CCSER1: variants seen among roughly 807,000 people sequenced by gnomAD.
CCSER1 encodes the protein coiled-coil serine rich protein 1.
A neutral mutation model predicts 82.0 loss-of-function variants in CCSER1; 41 were observed. That is an observed-to-expected ratio of 0.50 (90% CI 0.39 to 0.65). The LOEUF (loss-of-function observed/expected upper bound fraction) is 0.65. Among genes scored for constraint, CCSER1 ranks in the 30% least tolerant of loss-of-function variants. CCSER1 has a pLI of 0.00. For synonymous variants in CCSER1, 414 were observed against 383.9 expected (o/e 1.08, Z -0.92); for missense variants, 1,119 against 1,064.2 (o/e 1.05, Z -0.72).
intron 7 of CCSER1, among the ~76,000 whole-genome samples, chr4:90,750,592 T>G (rs1293968655): frequency 1.3e-5 from 2 of 152,190 alleles, no homozygotes; most frequent in South Asian, 2.1e-4. Context: ...GCTCAAATTT[T>G]ACAGTGAACT....
chr4:91,404,168 T>A (rs1176234002), intron 10 of CCSER1, among the ~76,000 whole-genome samples: 7 of 152,226 alleles, frequency 4.6e-5, no homozygotes, highest in Non-Finnish European at 8.8e-5. Flanking sequence ...TTCTAGATTT[T>A]CTAGTTTCTT....
intron 9 of CCSER1, among the ~76,000 whole-genome samples, chr4:90,978,525 T>C (rs1205369534): frequency 6.6e-6 from 1 of 150,874 alleles, no homozygotes; most frequent in Non-Finnish European, 1.5e-5. Flanking sequence ...GTATTTATGT[T>C]ACAATAATCT....
intron 9 of CCSER1, among the ~76,000 whole-genome samples, chr4:91,003,805 T>C (rs1282055289): frequency 1.3e-5 from 2 of 152,184 alleles, no homozygotes; most frequent in African/African-American, 2.4e-5. Context: ...CTGTGGCCTT[T>C]TCCCAGTGCC....
chr4:90,589,471 G>A (rs964083365), intron 5 of CCSER1, among the ~76,000 whole-genome samples: 2 of 151,838 alleles, frequency 1.3e-5, no homozygotes, highest in African/African-American at 2.4e-5. Context: ...GGATTTTTAT[G>A]ATTTACAAAA....
chr4:90,328,477 T>C (rs1457109741), intron 3 of CCSER1, among the ~76,000 whole-genome samples: 1 of 152,202 alleles, frequency 6.6e-6, no homozygotes, highest in African/African-American at 2.4e-5. Context: ...AATTCTGTCA[T>C]TTAAAGTAGG....
At chr4:90,784,401 C>G (rs1360230156) in intron 7 of CCSER1, among the ~76,000 whole-genome samples, 2 of 152,150 alleles carry the variant, frequency 1.3e-5, no homozygotes, top group Non-Finnish European at 2.9e-5. Context: ...GTAATCATTC[C>G]TTTATTCAAC....
intron 5 of CCSER1, among the ~76,000 whole-genome samples, chr4:90,491,548 A>G (rs571092569): frequency 2.6e-5 from 4 of 152,130 alleles, no homozygotes; most frequent in Non-Finnish European, 5.9e-5. Context: ...AACTTCCAAC[A>G]CTATGTTGAA....
chr4:90,586,447 A>G (rs566456921), intron 5 of CCSER1, among the ~76,000 whole-genome samples: 5 of 152,356 alleles, frequency 3.3e-5, no homozygotes, highest in African/African-American at 1.2e-4. Flanking sequence ...ATATAAATGA[A>G]CCAAGTCAGT....
At chr4:90,394,415 T>C (rs553151227) in intron 3 of CCSER1, among the ~76,000 whole-genome samples, 6 of 152,204 alleles carry the variant, frequency 3.9e-5, no homozygotes, top group Non-Finnish European at 7.3e-5. Context: ...GGAGATTACA[T>C]GAGTAGTCAG....
chr4:91,376,675 G>A (rs1249336512), intron 10 of CCSER1, among the ~76,000 whole-genome samples: 5 of 152,022 alleles, frequency 3.3e-5, no homozygotes, highest in Middle Eastern at 3.4e-3. Context: ...TTCCATTAAT[G>A]GGCAAACATA....
At chr4:90,472,981 G>A (rs569019400) in intron 5 of CCSER1, among the ~76,000 whole-genome samples, 6 of 152,142 alleles carry the variant, frequency 3.9e-5, no homozygotes, top group African/African-American at 1.4e-4. Flanking sequence ...GTAATAATTG[G>A]GAGCTAAATA....
In CCSER1 at chr4:90,832,163, G is replaced by A. The variant is rs538523170; in HGVS notation, c.2094+16318G>A. 2.0e-5 allele frequency among the ~76,000 whole-genome samples: 3 copies of A among 151,874 alleles called. No homozygotes were observed. In the South Asian group the frequency reaches 6.2e-4, roughly 32 times the overall value. ...TTTTATCATTTGTCTATTAAAACAA[G>A]CATATATTAAATGGATTGCCTTCTT... On this transcript the variant is annotated intron_variant, in intron 8 of 10. Coordinates refer to ENST00000509176, the MANE Select transcript of CCSER1 (RefSeq NM_001145065.2).
chr4:91,072,021 A>G (rs1309012247), intron 9 of CCSER1, among the ~76,000 whole-genome samples: 1 of 152,150 alleles, frequency 6.6e-6, no homozygotes, highest in Non-Finnish European at 1.5e-5. Flanking sequence ...ACACCATCAC[A>G]AACAACCACT....
chr4:90,367,043 C>T (rs779921115), intron 3 of CCSER1, among the ~76,000 whole-genome samples: 1 of 151,736 alleles, frequency 6.6e-6, no homozygotes, highest in Non-Finnish European at 1.5e-5. Context: ...TTTACATGCG[C>T]TCATTGGAAT....
chr4:91,017,137 T>C (rs952463892), intron 9 of CCSER1: 7 of 152,318 alleles, frequency 4.6e-5, no homozygotes, highest in Admixed American at 4.6e-4. Flanking sequence ...ACTTTCTATG[T>C]CATGGTCTTT....
intron 8 of CCSER1, among the ~76,000 whole-genome samples, chr4:90,902,975 A>G (rs1724887551): frequency 6.6e-6 from 1 of 152,036 alleles, no homozygotes; most frequent in South Asian, 2.1e-4. Flanking sequence ...CACAGGGCAC[A>G]TGTTCATTTA....
chr4:91,528,792 T>G (rs1760890415), intron 10 of CCSER1, among the ~76,000 whole-genome samples: 1 of 152,152 alleles, frequency 6.6e-6, no homozygotes. Context: ...GATTTAGAAG[T>G]TTCCCATAAA....
At chr4:91,202,812 C>CTCATATATATGTGTGCATATATATG (rs1553911607) in intron 10 of CCSER1, among the ~76,000 whole-genome samples, 15 of 151,062 alleles carry the variant, frequency 9.9e-5, no homozygotes, top group African/African-American at 1.9e-4. Context: ...GATATACACA[C>CTCATATATATGTGTGCATATATATG]TGTCTTTTTA....
intron 8 of CCSER1, among the ~76,000 whole-genome samples, chr4:90,840,214 T>C (rs1345779127): frequency 6.6e-6 from 1 of 152,154 alleles, no homozygotes; most frequent in Non-Finnish European, 1.5e-5. Context: ...TAAATAGTTC[T>C]ACCAATATCT....
Sources: allele counts gnomAD v4.1 joint callset (sites outside exome capture counted in the v4.1 genomes callset), GRCh38; gene constraint gnomAD v4.1.1; transcripts MANE v1.5; gene names NCBI Gene and HGNC (gene_info 2026-07-23, HGNC 2026-07-21).